Variants in MYCBP2 observed in about 807,000 individuals in gnomAD.
MYCBP2 encodes MYC binding protein 2.
A neutral mutation model predicts 525.3 loss-of-function variants in MYCBP2; 120 were observed. The ratio of observed to expected loss-of-function variants is 0.23; its 90% CI spans 0.20 to 0.27. MYCBP2 has a LOEUF of 0.27. Ranked by LOEUF, MYCBP2 falls within the 10% of genes least tolerant of loss-of-function variation. MYCBP2 has a pLI of 1.00. For synonymous variants in MYCBP2, 1,894 were observed against 1,955.8 expected (o/e 0.97, Z 0.83); for missense variants, 4,149 against 5,657.1 (o/e 0.73, Z 8.55).
chr13:77,222,060 C>T (rs1027532118), intron 20 of MYCBP2, among the ~76,000 whole-genome samples: 6 of 152,150 alleles, frequency 3.9e-5, no homozygotes, highest in African/African-American at 7.2e-5. Flanking sequence ...ATGCAATTAT[C>T]GTAGGCCTAA....
chr13:77,249,946 G>A (rs1049487270), intron 15 of MYCBP2, among the ~76,000 whole-genome samples: 12 of 152,232 alleles, frequency 7.9e-5, no homozygotes, highest in East Asian at 1.9e-4. Context: ...GTTCATGGCC[G>A]GGCGCGGTGG....
intron 51 of MYCBP2, 66 bp from the exon 52 acceptor site, chr13:77,139,402 G>A (rs1158288550): frequency 1.3e-6 from 2 of 1,523,648 alleles, no homozygotes; most frequent in African/African-American, 1.4e-5. Flanking sequence ...AGCAAGGTCT[G>A]AAAGTCTGCA....
rs199591828 is a variant in MYCBP2 at position 77,064,781 on chromosome 13, A to G, written c.12553-47T>C. ...TTTAATAAGTGACCAGAAATGTATTACCATAGTAAACTCTTTTTTCTTAAA... is the reference window on the plus strand; with the variant it reads ...TTTAATAAGTGACCAGAAATGTATTGCCATAGTAAACTCTTTTTTCTTAAA... On this transcript the variant is annotated intron_variant, in intron 72 of 82. Transcript: ENST00000544440. 4.7e-6 allele frequency: 7 copies of G among 1,492,890 alleles called. No individual in the cohort carries two copies. The Admixed American group carries it at 1.0e-4, about 22-fold the overall frequency. The allele number at this position is 1,492,890 out of a possible 1,614,324, so 92.5% of individuals were successfully genotyped here.
intron 1 of MYCBP2, among the ~76,000 whole-genome samples, chr13:77,323,911 T>G (rs953971915): frequency 6.6e-6 from 1 of 152,162 alleles, no homozygotes; most frequent in Non-Finnish European, 1.5e-5. Flanking sequence ...CTTAACTCTA[T>G]CCCTGAGATC....
At position 77,326,279 on chromosome 13, in the gene MYCBP2, ACACAC is replaced by A. The variant is rs2154386043; in HGVS notation, c.302+190_302+194del. ...CACACACACACACACACACACACAC[ACACAC>A]GAGAAACTGCAGCCACCGCACCCTC... On this transcript the variant is annotated intron_variant, in intron 1 of 82. Transcript: ENST00000544440. This position sits in a 1 kb window ranked among gnomAD's most constrained non-coding sequence, Gnocchi z 4.2. Among the ~76,000 whole-genome samples the A allele has an allele frequency of 6.8e-6, 1 of 147,806 alleles. No individual in the cohort carries two copies. The highest frequency in any genetic ancestry group is 2.6e-5 in the African/African-American group (1 of 39,092).
chr13:77,082,076 C>A, intron 63 of MYCBP2, 83 bp from the exon 64 acceptor site: 1 of 1,169,126 alleles, frequency 8.6e-7, no homozygotes, highest in Non-Finnish European at 1.2e-6. Context: ...TACTCTGTAG[C>A]TAATATCTCA....
chr13:77,233,660 A>G (rs1382954405), intron 17 of MYCBP2, among the ~76,000 whole-genome samples: 2 of 152,082 alleles, frequency 1.3e-5, no homozygotes, highest in Middle Eastern at 3.2e-3. Flanking sequence ...TTTCCATTGA[A>G]ACATAAAAAC....
At chr13:77,206,014 A>G (rs1341611056) in intron 24 of MYCBP2, among the ~76,000 whole-genome samples, 2 of 152,292 alleles carry the variant, frequency 1.3e-5, no homozygotes, top group East Asian at 3.9e-4. Context: ...AAAAAGAAAC[A>G]AAGAGTTATA....
At chr13:77,297,558 C>A (rs750295051) in intron 1 of MYCBP2, among the ~76,000 whole-genome samples, 6 of 152,046 alleles carry the variant, frequency 3.9e-5, no homozygotes, top group Non-Finnish European at 7.4e-5. Context: ...AATTTAGTAA[C>A]AGCAGTGACA....
intron 2 of MYCBP2, among the ~76,000 whole-genome samples, chr13:77,292,958 CAAAA>C (rs548135428): frequency 3.3e-5 from 2 of 61,288 alleles, no homozygotes; most frequent in Non-Finnish European, 7.0e-5. Flanking sequence ...GACTCCGTCT[CAAAA>C]AAAAAAAAAA....
In MYCBP2 at chr13:77,164,475, T is replaced by C; in HGVS notation, c.6526A>G (p.Lys2176Glu). ...GGVCAAALMK[K>E]DLALPIGNEL... ...TTACCAATAGGAAGTGCTAGGTCCT[T>C]CTTCATCAGAGCTGCTGCACAAACC... is the stretch of plus-strand genomic sequence containing the variant. The change falls in exon 43 of 83, where the codon AAG becomes GAG. Residue 2176 changes from lysine (K) to glutamate (E), a missense_variant. Lys to Glu is a moderately conservative substitution (Grantham distance 56). Around this residue, in one of 21 missense-constraint regions of MYCBP2, gnomAD observed 692 missense variants for 852.7 expected, o/e 0.81. Coordinates refer to ENST00000544440, the MANE Select transcript of MYCBP2 (RefSeq NM_015057.5). 6.2e-7 allele frequency: 1 copy of C among 1,612,366 alleles called. No homozygotes were observed. The highest frequency in any genetic ancestry group is 8.5e-7 in the Non-Finnish European group (1 of 1,178,400).
At position 77,061,240 on chromosome 13, in the gene MYCBP2, T is replaced by C. The variant is rs2039241460; in HGVS notation, c.12965A>G (p.Lys4322Arg). 4 of 1,612,828 alleles carry C rather than the reference T, an allele frequency of 2.5e-6. No individual in the cohort carries two copies. The highest frequency in any genetic ancestry group is 3.4e-6 in the Non-Finnish European group (4 of 1,179,350). The change falls in exon 76 of 83, where the codon AAA becomes AGA. Residue 4322 changes from lysine (K) to arginine (R), a missense_variant. Coordinates refer to ENST00000544440, the MANE Select transcript of MYCBP2 (RefSeq NM_015057.5). ...TGCCAGTGCCATCAACCAGAACAAT[T>C]TGGTTCTACCACAACCTTCATGAAG... ...VDLHEGCGRT[K>R]LFWLMALADS...
intron 14 of MYCBP2, among the ~76,000 whole-genome samples, chr13:77,254,480 T>A (rs2071803992): frequency 6.6e-6 from 1 of 151,884 alleles, no homozygotes; most frequent in Non-Finnish European, 1.5e-5. Flanking sequence ...TTTAAAATAT[T>A]CCTTTACGTT....
chr13:77,080,995 C>T (rs1252994265), intron 65 of MYCBP2: 1 of 157,390 alleles, frequency 6.4e-6, no homozygotes, highest in African/African-American at 2.4e-5. Flanking sequence ...TATTAAGTGC[C>T]ACCAGAGTAA....
intron 20 of MYCBP2, 152 bp downstream of exon 20, chr13:77,224,299 A>C: frequency 1.7e-6 from 1 of 605,066 alleles, no homozygotes; most frequent in South Asian, 2.2e-5. Context: ...GAAACCACCA[A>C]TAATTCATGG....
At chr13:77,123,781 C>T (rs541775323) in intron 54 of MYCBP2, among the ~76,000 whole-genome samples, 18 of 152,266 alleles carry the variant, frequency 1.2e-4, no homozygotes, top group Admixed American at 7.8e-4. Flanking sequence ...GTCACCTAAG[C>T]TGTTCTCATA....
At chr13:77,196,150 T>G (rs2061735338) in intron 26 of MYCBP2, among the ~76,000 whole-genome samples, 1 of 152,056 alleles carries the variant, frequency 6.6e-6, no homozygotes, top group Non-Finnish European at 1.5e-5. Context: ...AGAGCTGTAG[T>G]TATGAGGAAA....
At chr13:77,171,315 T>G (rs946514810) in intron 38 of MYCBP2, among the ~76,000 whole-genome samples, 177 bp downstream of exon 38, 1 of 152,204 alleles carries the variant, frequency 6.6e-6, no homozygotes, top group Non-Finnish European at 1.5e-5. Flanking sequence ...TTCTAAATAA[T>G]TCTGCATTAC....
At chr13:77,093,905 G>T (rs2045831163) in intron 58 of MYCBP2, among the ~76,000 whole-genome samples, 1 of 151,934 alleles carries the variant, frequency 6.6e-6, no homozygotes, top group African/African-American at 2.4e-5. Flanking sequence ...CAGCTAAAAA[G>T]AAAAAAATCT....
Sources: allele counts gnomAD v4.1 joint callset (sites outside exome capture counted in the v4.1 genomes callset), GRCh38; gene constraint gnomAD v4.1.1; regional missense constraint gnomAD v4.1.1; non-coding constraint Gnocchi (gnomAD v3.1); transcripts MANE v1.5; gene names NCBI Gene and HGNC (gene_info 2026-07-23, HGNC 2026-07-21).